MSRA: variants seen among roughly 807,000 people sequenced by gnomAD.
MSRA encodes the protein mitochondrial peptide methionine sulfoxide reductase.
Under a neutral mutation model 31.3 loss-of-function variants are expected in MSRA, and 54 were observed. The observed-to-expected ratio is 1.73, with a 90% CI of 1.39 to 2.17. The LOEUF is 2.17. MSRA is among the 30% of genes most tolerant of loss of function. The pLI, the probability that MSRA is intolerant of heterozygous loss-of-function variation, is 0.00. For synonymous variants in MSRA, 169 were observed against 116.5 expected, an observed-to-expected ratio of 1.45 and a Z score of -2.90; for missense variants, 507 against 300.9, an observed-to-expected ratio of 1.69 and a Z score of -5.07.
At chr8:10,164,698 T>TTCCTTTCCCTG (rs1436489746) in intron 1 of MSRA, among the ~76,000 whole-genome samples, 1 of 152,088 alleles carries the variant, frequency 6.6e-6, no homozygotes, top group East Asian at 1.9e-4. Flanking sequence ...AAATGTTAGT[T>TTCCTTTCCCTG]TCCTTTCCCT....
chr8:10,108,219 C>G (rs1163350922), intron 1 of MSRA, among the ~76,000 whole-genome samples: 1 of 152,224 alleles, frequency 6.6e-6, no homozygotes, highest in Non-Finnish European at 1.5e-5. Flanking sequence ...CTGTTGCAAA[C>G]ATTCACATCA....
chr8:10,247,375 A>C (rs1563265640), intron 3 of MSRA, among the ~76,000 whole-genome samples: 1 of 152,210 alleles, frequency 6.6e-6, no homozygotes, highest in South Asian at 2.1e-4. Context: ...AGCTGTCATC[A>C]TATCCCAGCC....
intron 1 of MSRA, among the ~76,000 whole-genome samples, chr8:10,173,391 G>A (rs1449158063): frequency 1.3e-5 from 2 of 152,184 alleles, no homozygotes; most frequent in African/African-American, 2.4e-5. Flanking sequence ...AAATCGAAAC[G>A]GCTTGGCGTC....
At chr8:10,066,920 G>A (rs1354301373) in intron 1 of MSRA, among the ~76,000 whole-genome samples, 11 of 150,990 alleles carry the variant, frequency 7.3e-5, no homozygotes, top group Non-Finnish European at 1.6e-4. Context: ...GAAAAATTGA[G>A]TGGAAAGTAC....
At chr8:10,149,229 C>G (rs1206574946) in intron 1 of MSRA, among the ~76,000 whole-genome samples, 3 of 152,042 alleles carry the variant, frequency 2.0e-5, no homozygotes, top group Non-Finnish European at 1.5e-5. Context: ...TCAAGCAATT[C>G]TCCTGCCTCA....
intron 5 of MSRA, among the ~76,000 whole-genome samples, chr8:10,405,615 A>G (rs1328887323): frequency 6.6e-6 from 1 of 152,090 alleles, no homozygotes; most frequent in Non-Finnish European, 1.5e-5. Context: ...GACCTTTACC[A>G]CTGGATGCTG....
chr8:10,071,824 C>T lies in MSRA; in HGVS notation c.142+17166C>T, dbSNP rs547449543. ...ATCATTATGCCAACCATCAGGAATA[C>T]GATCCAGACACTTGTGCCCGCTGTA... On this transcript the variant is annotated intron_variant, in intron 1 of 5. Coordinates refer to ENST00000317173, the MANE Select transcript of MSRA (RefSeq NM_012331.5). 5.3e-5 allele frequency among the ~76,000 whole-genome samples: 8 copies of T among 152,242 alleles called. No individual in the cohort carries two copies. In the East Asian group the frequency reaches 7.7e-4, roughly 15 times the overall value.
At chr8:10,420,501 G>C (rs1344212419) in intron 5 of MSRA, among the ~76,000 whole-genome samples, 1 of 152,070 alleles carries the variant, frequency 6.6e-6, no homozygotes, top group Non-Finnish European at 1.5e-5. Flanking sequence ...TTGTGGTCTG[G>C]AGAGCCCATC....
Position 10,195,123 on chromosome 8 carries a change from T to G in MSRA, c.143-12710T>G, listed in dbSNP as rs553489691. 2.0e-5 allele frequency among the ~76,000 whole-genome samples: 3 copies of G among 152,338 alleles called. No homozygotes were observed. In the East Asian group the frequency reaches 5.8e-4, roughly 29 times the overall value. ...ATAGCATGGATTATTTTATGCAAAC[T>G]GTTAGGACCAGTATTTTTACAAGCA... On this transcript the variant is annotated intron_variant, in intron 1 of 5. Transcript: ENST00000317173.
intron 2 of MSRA, among the ~76,000 whole-genome samples, chr8:10,226,192 A>T (rs1350957047): frequency 1.3e-5 from 2 of 152,170 alleles, no homozygotes; most frequent in East Asian, 3.8e-4. Context: ...TGTGATGAAA[A>T]CACTGAGTAT....
chr8:10,144,833 CTG>C (rs1803003982), intron 1 of MSRA, among the ~76,000 whole-genome samples: 1 of 152,114 alleles, frequency 6.6e-6, no homozygotes. Flanking sequence ...GCACATCTGA[CTG>C]TGCTTCTCTG....
intron 2 of MSRA, among the ~76,000 whole-genome samples, chr8:10,217,581 G>A (rs575371983): frequency 3.7e-4 from 57 of 152,254 alleles, no homozygotes; most frequent in Admixed American, 2.4e-3. Flanking sequence ...GTATAATGAA[G>A]CCTTGCTCGC....
intron 1 of MSRA, among the ~76,000 whole-genome samples, chr8:10,113,062 G>T (rs1800401170): frequency 6.6e-6 from 1 of 152,044 alleles, no homozygotes; most frequent in Middle Eastern, 3.2e-3. Flanking sequence ...CACCTCACAG[G>T]TATCCTCCAA....
chr8:10,202,679 C>T (rs192946624), intron 1 of MSRA, among the ~76,000 whole-genome samples: 7 of 152,180 alleles, frequency 4.6e-5, no homozygotes, highest in South Asian at 2.1e-4. Context: ...GTTTATTTGC[C>T]GTTCCTGAAA....
Position 10,139,449 on chromosome 8 carries a change from C to T in MSRA, c.143-68384C>T, listed in dbSNP as rs144342977. Among the ~76,000 whole-genome samples, 81 of 152,216 alleles carry T rather than the reference C, an allele frequency of 5.3e-4. 1 individual carries two copies. Among genetic ancestry groups the T allele is most frequent in the African/African-American group, 1.7e-3 (70 of 41,538 alleles). ...ATGGATCTGTTGCGTAGTGGTGAAG[C>T]CTGGGCTTTACTGTAGCCGTCACCC... On this transcript the variant is annotated intron_variant, in intron 1 of 5. Coordinates refer to ENST00000317173, the MANE Select transcript of MSRA (RefSeq NM_012331.5).
intron 1 of MSRA, among the ~76,000 whole-genome samples, chr8:10,132,737 T>A (rs1030564523): frequency 6.6e-6 from 1 of 152,242 alleles, no homozygotes; most frequent in Non-Finnish European, 1.5e-5. Context: ...AATTGCTGTT[T>A]ATCAAATGAG....
At chr8:10,206,985 C>G (rs7844115) in intron 1 of MSRA, among the ~76,000 whole-genome samples, 54,503 of 152,072 alleles carry the variant, frequency 0.36, 11,992 homozygotes, top group African/African-American at 0.63. Context: ...CAAAGCGTCT[C>G]TGCCGATGAT....
At chr8:10,388,531 G>C (rs1049965523) in intron 5 of MSRA, among the ~76,000 whole-genome samples, 1 of 152,142 alleles carries the variant, frequency 6.6e-6, no homozygotes, top group Non-Finnish European at 1.5e-5. Flanking sequence ...TCTCCTGCGT[G>C]AGCTTCGAAA....
chr8:10,235,522 A>G (rs1259985261), intron 2 of MSRA, among the ~76,000 whole-genome samples: 3 of 152,158 alleles, frequency 2.0e-5, no homozygotes, highest in Non-Finnish European at 4.4e-5. Flanking sequence ...AAACTGCAAA[A>G]CAAGATAATA....
Sources: gnomAD v4.1 joint callset for allele counts (sites outside exome capture counted in the v4.1 genomes callset) on GRCh38, gnomAD v4.1.1 for gene constraint, MANE v1.5 for transcripts, NCBI Gene and HGNC (gene_info 2026-07-23, HGNC 2026-07-21) for gene names.